SPACA7: variants seen among roughly 807,000 people sequenced by gnomAD.
SPACA7 encodes the protein sperm acrosome associated 7.
SPACA7 carries 19 observed loss-of-function variants against 26.3 expected under a neutral mutation model. The ratio of observed to expected loss-of-function variants is 0.72; its 90% CI spans 0.50 to 1.06. SPACA7 has a LOEUF of 1.06. Ranked by LOEUF, SPACA7 falls within the 50% of genes least tolerant of loss-of-function variation. SPACA7 has a pLI of 0.00. For missense variants in SPACA7, 211 were observed against 229.9 expected (o/e 0.92, Z 0.53); for synonymous variants, 84 against 84.5 (o/e 0.99, Z 0.04).
intron 5 of SPACA7, among the ~76,000 whole-genome samples, chr13:112,431,876 G>A (rs1204650661): frequency 1.3e-5 from 2 of 152,218 alleles, no homozygotes; most frequent in Non-Finnish European, 2.9e-5. Flanking sequence ...TGCAGAAGCT[G>A]GGGCCGGTTT....
chr13:112,411,493 G>T (rs2139004808), intron 5 of SPACA7, among the ~76,000 whole-genome samples: 1 of 152,096 alleles, frequency 6.6e-6, no homozygotes, highest in Admixed American at 6.6e-5. Flanking sequence ...ATAACATATT[G>T]TTAACTGTAA....
chr13:112,427,815 G>T (rs528862983), intron 5 of SPACA7, among the ~76,000 whole-genome samples: 1 of 152,130 alleles, frequency 6.6e-6, no homozygotes, highest in South Asian at 2.1e-4. Flanking sequence ...CACCTAAGTT[G>T]GCAAAGTTAT....
At chr13:112,386,353 C>T (rs542389195) in intron 1 of SPACA7, among the ~76,000 whole-genome samples, 2 of 152,142 alleles carry the variant, frequency 1.3e-5, no homozygotes, top group African/African-American at 2.4e-5. Context: ...TTTTATACTG[C>T]GAAGTAGTTT....
intron 5 of SPACA7, among the ~76,000 whole-genome samples, chr13:112,418,887 G>C (rs1358059488): frequency 6.6e-6 from 1 of 152,154 alleles, no homozygotes; most frequent in African/African-American, 2.4e-5. Flanking sequence ...GCCAGGTGCA[G>C]TGGTGGGTGC....
chr13:112,399,882 C>A (rs1489994779), intron 4 of SPACA7, among the ~76,000 whole-genome samples: 3 of 152,118 alleles, frequency 2.0e-5, no homozygotes, highest in Admixed American at 6.5e-5. Context: ...CTAGAGGAAG[C>A]AAGTACATCT....
At position 112,398,919 on chromosome 13, in the gene SPACA7, AC is replaced by A. The variant is rs1214712056; in HGVS notation, c.242-146del. On this transcript the variant is annotated intron_variant, in intron 3 of 6. Transcript: ENST00000283550. ...GGCACCTGACTCTGTTTACACCTTCACTTACCAACGCACATTTCCACATAGA... is the reference window on the plus strand; with the variant it reads ...GGCACCTGACTCTGTTTACACCTTCATTACCAACGCACATTTCCACATAGA... 11 of 631,770 alleles carry A rather than the reference AC, an allele frequency of 1.7e-5. No individual in the cohort carries two copies. The East Asian group carries it at 3.1e-4, about 18-fold the overall frequency. 39.1% of individuals were successfully genotyped at this position (631,770 alleles called of 1,614,324 possible).
At chr13:112,404,408 A>G (rs1178557851) in intron 5 of SPACA7, among the ~76,000 whole-genome samples, 1 of 152,192 alleles carries the variant, frequency 6.6e-6, no homozygotes, top group Non-Finnish European at 1.5e-5. Context: ...GCTGTGCAGA[A>G]GCTTTTTCAT....
At chr13:112,433,159 C>A (rs1877345965) in intron 6 of SPACA7, among the ~76,000 whole-genome samples, 1 of 150,586 alleles carries the variant, frequency 6.6e-6, no homozygotes, top group South Asian at 2.1e-4. Flanking sequence ...CAGCCCCTCC[C>A]CCCATACCCT....
chr13:112,432,768 G>A (rs115008009), intron 6 of SPACA7, among the ~76,000 whole-genome samples: 470 of 152,258 alleles, frequency 3.1e-3, no homozygotes, highest in African/African-American at 0.011. Context: ...GAATGGAACA[G>A]GGGACTAGTC....
chr13:112,396,839 C>T (rs1345983781), intron 2 of SPACA7, among the ~76,000 whole-genome samples: 1 of 152,214 alleles, frequency 6.6e-6, no homozygotes, highest in Admixed American at 6.5e-5. Flanking sequence ...CCTGGCCTCT[C>T]CTCAAGCTCG....
At chr13:112,426,812 G>A (rs146188773) in intron 5 of SPACA7, among the ~76,000 whole-genome samples, 78 of 152,168 alleles carry the variant, frequency 5.1e-4, no homozygotes, top group African/African-American at 1.6e-3. Flanking sequence ...GATTTTCTAC[G>A]TAGAGGATCA....
intron 1 of SPACA7, among the ~76,000 whole-genome samples, chr13:112,390,284 CACT>C (rs1189858531): frequency 6.6e-6 from 1 of 152,070 alleles, no homozygotes. Context: ...GGGCCATGGC[CACT>C]CTGTATGGTT....
At chr13:112,413,727 T>A (rs185829019) in intron 5 of SPACA7, among the ~76,000 whole-genome samples, 1 of 152,352 alleles carries the variant, frequency 6.6e-6, no homozygotes, top group African/African-American at 2.4e-5. Flanking sequence ...AGATTTGCCC[T>A]TTCTTGATTT....
chr13:112,409,410 C>G (rs1886201600), intron 5 of SPACA7, among the ~76,000 whole-genome samples: 1 of 152,068 alleles, frequency 6.6e-6, no homozygotes, highest in African/African-American at 2.4e-5. Context: ...AAAGAAACTA[C>G]CATCAGAATG....
rs934263013 is a variant in SPACA7 at position 112,427,823 on chromosome 13, T to C, written c.446-4621T>C. 5.3e-5 allele frequency among the ~76,000 whole-genome samples: 8 copies of C among 152,338 alleles called. No individual in the cohort carries two copies. The East Asian group carries it at 1.5e-3, about 29-fold the overall frequency. Reference sequence around the variant, plus strand: ...CTCATTTCACCTAAGTTGGCAAAGTTATTGGCAAAAGTTTTTCACAATAGT... The same window carrying C: ...CTCATTTCACCTAAGTTGGCAAAGTCATTGGCAAAAGTTTTTCACAATAGT... On this transcript the variant is annotated intron_variant, in intron 5 of 6. Transcript: ENST00000283550.
At chr13:112,385,866 TAGAC>T (rs1373841239) in intron 1 of SPACA7, among the ~76,000 whole-genome samples, 4 of 152,178 alleles carry the variant, frequency 2.6e-5, no homozygotes, top group Non-Finnish European at 4.4e-5. Flanking sequence ...CACATATAAA[TAGAC>T]AGACAAAAGA....
intron 4 of SPACA7, among the ~76,000 whole-genome samples, chr13:112,400,782 C>CTA (rs1566469554): frequency 6.6e-6 from 1 of 152,144 alleles, no homozygotes; most frequent in African/African-American, 2.4e-5. Context: ...AGTGAGCAGC[C>CTA]TATAGCACAG....
intron 5 of SPACA7, among the ~76,000 whole-genome samples, chr13:112,419,953 C>G (rs931288420): frequency 6.6e-5 from 10 of 152,154 alleles, no homozygotes; most frequent in African/African-American, 2.4e-4. Flanking sequence ...TCTCTGGCCC[C>G]CTAGCTCATA....
At chr13:112,432,401 T>C (rs763476808) in intron 5 of SPACA7, 43 bp from the exon 6 acceptor site, 1 of 1,486,232 alleles carries the variant, frequency 6.7e-7, no homozygotes, top group Non-Finnish European at 9.4e-7. Context: ...ATGCCTTAAT[T>C]ATTTACAAAG....
Sources: allele counts gnomAD v4.1 joint callset (sites outside exome capture counted in the v4.1 genomes callset), GRCh38; gene constraint gnomAD v4.1.1; transcripts MANE v1.5; gene names NCBI Gene and HGNC (gene_info 2026-07-23, HGNC 2026-07-21).